The following SCYL2 variants were observed in gnomAD, a reference collection of about 807,000 sequenced individuals.
The protein encoded by SCYL2 is SCY1-like protein 2.
A neutral mutation model predicts 100.4 loss-of-function variants in SCYL2; 36 were observed. The observed-to-expected ratio is 0.36, with a 90% CI of 0.27 to 0.47. The LOEUF is 0.47. Among genes scored for constraint, SCYL2 ranks in the 20% least tolerant of loss-of-function variants. The pLI, the probability that SCYL2 is intolerant of heterozygous loss-of-function variation, is 1.00. For missense variants in SCYL2, 902 were observed against 1,083.9 expected (o/e 0.83, Z 2.36); for synonymous variants, 330 against 359.2 (o/e 0.92, Z 0.92).
chr12:100,273,096 T>C (rs916717829), intron 1 of SCYL2, among the ~76,000 whole-genome samples: 1 of 152,166 alleles, frequency 6.6e-6, no homozygotes, highest in African/African-American at 2.4e-5. Context: ...CTCTGCTTGA[T>C]AGAGTGATTG....
chr12:100,274,425 G>T lies in SCYL2; in HGVS notation c.-29+6633G>T, dbSNP rs561471551. 1.2e-4 allele frequency among the ~76,000 whole-genome samples: 18 copies of T among 152,264 alleles called. No individual in the cohort carries two copies. The South Asian group carries it at 3.5e-3, about 30-fold the overall frequency. The stretch of plus-strand genomic sequence containing the variant: ...GGAGTTTATCAATTGAAATAAATGT[G>T]TTCCTATATATCTCTGTGACAACCA... On this transcript the variant is annotated intron_variant, in intron 1 of 17. Coordinates refer to ENST00000360820, the MANE Select transcript of SCYL2 (RefSeq NM_017988.6).
chr12:100,315,088 C>G (rs1013225048), intron 8 of SCYL2, among the ~76,000 whole-genome samples: 1 of 152,134 alleles, frequency 6.6e-6, no homozygotes, highest in Non-Finnish European at 1.5e-5. Context: ...ATCAGATATT[C>G]GTTAGTTACC....
chr12:100,317,744 A>G, intron 9 of SCYL2, 59 bp from the exon 10 acceptor site: 1 of 1,522,016 alleles, frequency 6.6e-7, no homozygotes, highest in Non-Finnish European at 8.8e-7. Flanking sequence ...TACATTTGGC[A>G]TATATTGAAT....
At chr12:100,272,039 G>A (rs2096288219) in intron 1 of SCYL2, among the ~76,000 whole-genome samples, 1 of 152,108 alleles carries the variant, frequency 6.6e-6, no homozygotes, top group African/African-American at 2.4e-5. Context: ...TATTACAACA[G>A]ATTCACATGC....
intron 4 of SCYL2, among the ~76,000 whole-genome samples, chr12:100,301,868 T>C (rs2096328120): frequency 6.6e-6 from 1 of 152,208 alleles, no homozygotes; most frequent in Non-Finnish European, 1.5e-5. Context: ...CAGCTGGGAA[T>C]GTGCTGGGTC....
chr12:100,315,637 A>C lies in SCYL2; in HGVS notation c.1175A>C (p.Asn392Thr), dbSNP rs770573456. The C allele has an allele frequency of 6.2e-7, 1 of 1,612,480 alleles. No homozygotes were observed. The change falls in exon 9 of 18, where the codon AAT (asparagine) becomes ACT (threonine). Residue 392 changes from asparagine (N) to threonine (T), a missense_variant. Physicochemically the swap from Asn to Thr is moderately conservative, Grantham distance 65. Transcript: ENST00000360820. ...GACATGGTACCTTTTGTTTTGCCCA[A>C]TGTTCTACTTATTGCTGAGGAATGC... The part of the protein sequence containing the change: ...NPDMVPFVLP[N>T]VLLIAEECTK...
At chr12:100,330,730 T>C (rs2135933943) in intron 13 of SCYL2, among the ~76,000 whole-genome samples, 1 of 152,216 alleles carries the variant, frequency 6.6e-6, no homozygotes, top group South Asian at 2.1e-4. Context: ...GAGCAGAGTT[T>C]TGGAGGTAGA....
chr12:100,325,944 C>T (rs2096361258), intron 11 of SCYL2, among the ~76,000 whole-genome samples: 1 of 151,810 alleles, frequency 6.6e-6, no homozygotes. Flanking sequence ...CTTTATTAGC[C>T]AACAAAATTA....
Position 100,312,493 on chromosome 12 carries a change from A to G in SCYL2, c.692A>G (p.Glu231Gly), listed in dbSNP as rs1407592621. The G allele has an allele frequency of 3.7e-6, 6 of 1,613,854 alleles. No individual in the cohort carries two copies. In the Admixed American group the frequency reaches 8.3e-5, roughly 22 times the overall value. The change falls in exon 6 of 18, where the codon GAA becomes GGA. Residue 231 changes from glutamate to glycine, a missense_variant. By Grantham distance (98) the Glu-to-Gly change is moderately conservative (BLOSUM62 -2). Coordinates refer to ENST00000360820, the MANE Select transcript of SCYL2 (RefSeq NM_017988.6). ...NLPSLCLPNP[E>G]YLAPEYILSV... is the part of the protein sequence containing the mutation. The stretch of plus-strand genomic sequence containing the variant: ...CCTTCATTGTGTCTTCCAAATCCTG[A>G]ATATTTGGCTCCTGAATACATACTT...
intron 4 of SCYL2, among the ~76,000 whole-genome samples, chr12:100,299,243 A>G (rs764681962): frequency 2.6e-4 from 40 of 151,462 alleles, no homozygotes; most frequent in Non-Finnish European, 4.7e-4. Flanking sequence ...TTAAAAAAAC[A>G]ACAACAACAA....
intron 4 of SCYL2, among the ~76,000 whole-genome samples, chr12:100,304,072 T>TA (rs2135882714): frequency 6.6e-6 from 1 of 152,258 alleles, no homozygotes; most frequent in Admixed American, 6.5e-5. Context: ...GAAAACCACC[T>TA]ACTGAAGCTT....
intron 10 of SCYL2, among the ~76,000 whole-genome samples, chr12:100,321,816 G>GACCC (rs957742413): frequency 1.3e-5 from 2 of 152,072 alleles, no homozygotes; most frequent in Non-Finnish European, 2.9e-5. Flanking sequence ...ACTGAGGTGG[G>GACCC]AGGATCTCTT....
At chr12:100,309,892 A>G (rs1392023071) in intron 4 of SCYL2, among the ~76,000 whole-genome samples, 1 of 152,184 alleles carries the variant, frequency 6.6e-6, no homozygotes, top group African/African-American at 2.4e-5. Flanking sequence ...GTACACAAAG[A>G]TTCTAGTTTC....
At chr12:100,275,094 A>G (rs1328498053) in intron 1 of SCYL2, among the ~76,000 whole-genome samples, 1 of 152,180 alleles carries the variant, frequency 6.6e-6, no homozygotes, top group African/African-American at 2.4e-5. Context: ...TTTTCATTGT[A>G]TAGATCTTGC....
At chr12:100,293,184 C>G (rs982497028) in intron 3 of SCYL2, among the ~76,000 whole-genome samples, 1 of 149,830 alleles carries the variant, frequency 6.7e-6, no homozygotes, top group African/African-American at 2.5e-5. Context: ...CTTGGACTCC[C>G]GAGCTTGTGT....
chr12:100,303,114 G>C (rs892986344), intron 4 of SCYL2, among the ~76,000 whole-genome samples: 1 of 152,072 alleles, frequency 6.6e-6, no homozygotes, highest in Non-Finnish European at 1.5e-5. Context: ...GGTCATTTAT[G>C]TTCTTCTCTA....
At position 100,337,428 on chromosome 12, in the gene SCYL2, A is replaced by C. The variant is rs995831392; in HGVS notation, c.2067A>C (p.Glu689Asp). ...AAGAAAAACAAAAATTAGCAAAAGAACAAGAGCAGGCACAGAAGCTGAAAA... is the reference window on the plus strand; with the variant it reads ...AAGAAAAACAAAAATTAGCAAAAGACCAAGAGCAGGCACAGAAGCTGAAAA... ...TLEEKQKLAK[E>D]QEQAQKLKSQ... The change falls in exon 17 of 18, where the codon GAA becomes GAC. Residue 689 changes from glutamate to aspartate, a missense_variant. Glu to Asp is a conservative substitution (Grantham distance 45). Transcript: ENST00000360820. The C allele has an allele frequency of 6.2e-7, 1 of 1,606,132 alleles. No homozygotes were observed. The highest frequency in any genetic ancestry group is 1.3e-5 in the African/African-American group (1 of 74,270).
At chr12:100,322,630 A>G (rs1487202199) in intron 10 of SCYL2, among the ~76,000 whole-genome samples, 1 of 151,986 alleles carries the variant, frequency 6.6e-6, no homozygotes, top group African/African-American at 2.4e-5. Flanking sequence ...GGGCCAAGGT[A>G]GGTGGATCAC....
intron 6 of SCYL2, 67 bp downstream of exon 6, chr12:100,312,720 A>G (rs2096343711): frequency 1.8e-6 from 2 of 1,140,244 alleles, no homozygotes; most frequent in Admixed American, 2.2e-5. Context: ...TTTTTTTCCA[A>G]AATGTGTTCA....
Sources: gnomAD v4.1 joint callset for allele counts (sites outside exome capture counted in the v4.1 genomes callset) on GRCh38, gnomAD v4.1.1 for gene constraint, MANE v1.5 for transcripts, NCBI Gene and HGNC (gene_info 2026-07-23, HGNC 2026-07-21) for gene names.